ANK2: variants seen among roughly 807,000 people sequenced by gnomAD.
ANK2 encodes the protein ankyrin 2, also known as ankyrin-2.
A neutral mutation model predicts 360.5 loss-of-function variants in ANK2; 83 were observed. The observed-to-expected ratio is 0.23, with a 90% CI of 0.19 to 0.28. The LOEUF is 0.28. Ranked by LOEUF, ANK2 falls within the 10% of genes least tolerant of loss-of-function variation. ANK2 has a pLI of 1.00. For missense variants in ANK2, 4,201 were observed against 4,795.7 expected (o/e 0.88, Z 3.66); for synonymous variants, 1,740 against 1,759.5 (o/e 0.99, Z 0.28).
intron 1 of ANK2, among the ~76,000 whole-genome samples, chr4:113,112,787 C>G (rs2154366639): frequency 6.6e-6 from 1 of 152,304 alleles, no homozygotes; most frequent in South Asian, 2.1e-4. Context: ...CCTTCTCAGC[C>G]TATGAAAACC....
At chr4:113,335,771 C>A in intron 29 of ANK2, 75 bp from the exon 30 acceptor site, 6 of 1,438,300 alleles carry the variant, frequency 4.2e-6, no homozygotes, top group South Asian at 2.3e-5. Flanking sequence ...ATTAACCGAG[C>A]GAATGAGTTG....
In ANK2 at chr4:113,381,654, T is replaced by C; in HGVS notation, c.*183T>C. The C allele has an allele frequency of 6.5e-7, 1 of 1,542,776 alleles. No individual in the cohort carries two copies. The highest frequency in any genetic ancestry group is 8.7e-7 in the Non-Finnish European group (1 of 1,146,508). ...GAGGCCAAGTGAGGGGCTGCCCAGT[T>C]CTCACACCAGAAACCACACATTCAC... On this transcript the variant is annotated 3_prime_UTR_variant, in exon 46 of 46. Coordinates refer to ENST00000357077, the MANE Select transcript of ANK2 (RefSeq NM_001148.6).
chr4:112,743,726 G>C, the ANK2 span, among the ~76,000 whole-genome samples: 1 of 151,110 alleles, frequency 6.6e-6, no homozygotes, highest in Non-Finnish European at 1.5e-5. Flanking sequence ...TGTATTTTTA[G>C]TAGAAACGGG....
At chr4:112,788,771 A>C in the ANK2 span, 1 of 1,478,634 alleles carries the variant, frequency 6.8e-7, no homozygotes, top group Non-Finnish European at 9.3e-7. Flanking sequence ...CAAAATTCTT[A>C]GGCCTTTCCT....
intron 20 of ANK2, among the ~76,000 whole-genome samples, chr4:113,291,912 A>T (rs577692681): frequency 5.3e-5 from 8 of 152,348 alleles, no homozygotes; most frequent in African/African-American, 1.4e-4. Context: ...ACTTTCAATG[A>T]TTTAGAATCC....
chr4:112,986,465 GTTTTTTGTTTT>G lies in ANK2; in HGVS notation c.21+81952_21+81962del. ...AGGGTTTTTGTTTGTTTGTTTGTTT[GTTTTTTGTTTT>G]AACATTACTCCAGTTAGGGAACTGT... On this transcript the variant is annotated intron_variant, in intron 2 of 30. Transcript: ENST00000503271. 1.3e-5 allele frequency among the ~76,000 whole-genome samples: 2 copies of G among 152,174 alleles called. 1 individual carries two copies. The highest frequency in any genetic ancestry group is 6.8e-3 in the Middle Eastern group (2 of 294).
the ANK2 span, chr4:112,788,558 C>T: frequency 6.3e-7 from 1 of 1,589,020 alleles, no homozygotes; most frequent in East Asian, 2.2e-5. Flanking sequence ...TCTTCTCTTG[C>T]TTTGTCTCTG....
the ANK2 span, among the ~76,000 whole-genome samples, chr4:112,707,012 T>A: frequency 6.6e-6 from 1 of 152,242 alleles, no homozygotes; most frequent in Non-Finnish European, 1.5e-5. Context: ...CACCTTAGGT[T>A]ATCACAGTAG....
chr4:113,353,975 A>T lies in ANK2; in HGVS notation c.5357A>T (p.Lys1786Met). ...GAAGATGAACAGAAAGGTCGAAGCA[A>T]GTTGCCCATCAGAGTCAAAGGCAAG... Reference protein sequence around the residue: ...RVEDEQKGRSKLPIRVKGKED... With the variant: ...RVEDEQKGRSMLPIRVKGKED... Residue 1786 changes from lysine to methionine, a missense_variant, in exon 38 of 46, where the codon AAG becomes ATG. Transcript: ENST00000357077. 1 of 1,614,086 alleles carries T rather than the reference A, an allele frequency of 6.2e-7. No homozygotes were observed. The highest frequency in any genetic ancestry group is 8.5e-7 in the Non-Finnish European group (1 of 1,179,968).
chr4:112,958,628 G>A (rs999941690), intron 2 of ANK2, among the ~76,000 whole-genome samples: 1 of 148,484 alleles, frequency 6.7e-6, no homozygotes, highest in African/African-American at 2.5e-5. Context: ...AGAGGGGGGA[G>A]AGGGAGAGGG....
intron 1 of ANK2, among the ~76,000 whole-genome samples, chr4:113,135,446 G>T (rs542324290): frequency 1.3e-5 from 2 of 151,832 alleles, no homozygotes; most frequent in African/African-American, 4.8e-5. Flanking sequence ...GGAAAGAGTG[G>T]AATGAAAGGA....
the ANK2 span, among the ~76,000 whole-genome samples, chr4:112,736,187 G>A: frequency 6.6e-6 from 1 of 152,106 alleles, no homozygotes. Flanking sequence ...CCAGGGCTGG[G>A]CGCGGTGGCT....
intron 36 of ANK2, among the ~76,000 whole-genome samples, chr4:113,349,198 A>G (rs1046546064): frequency 6.6e-6 from 1 of 152,136 alleles, no homozygotes; most frequent in Admixed American, 6.6e-5. Context: ...CTGCTTCAAT[A>G]TTTAAAGCAA....
chr4:113,207,357 A>C (rs1176749456), intron 4 of ANK2, among the ~76,000 whole-genome samples: 1 of 152,200 alleles, frequency 6.6e-6, no homozygotes, highest in Non-Finnish European at 1.5e-5. Flanking sequence ...TTATCACTAC[A>C]CAGGCCTATC....
chr4:113,206,543 G>C (rs1452107912), intron 4 of ANK2, among the ~76,000 whole-genome samples: 1 of 152,010 alleles, frequency 6.6e-6, no homozygotes, highest in East Asian at 1.9e-4. Context: ...AATGAAGGCA[G>C]GTACTTGCAT....
intron 1 of ANK2, among the ~76,000 whole-genome samples, chr4:113,083,657 G>C (rs1358966569): frequency 6.6e-6 from 1 of 152,132 alleles, no homozygotes; most frequent in Non-Finnish European, 1.5e-5. Flanking sequence ...AAAATCATGT[G>C]GGCATTGAAG....
chr4:113,260,845 G>C (rs2052440665), intron 13 of ANK2, among the ~76,000 whole-genome samples: 1 of 152,168 alleles, frequency 6.6e-6, no homozygotes, highest in Non-Finnish European at 1.5e-5. Context: ...AGTTGATGAA[G>C]AAACCGTGTG....
At chr4:113,134,512 T>C (rs1049920918) in intron 1 of ANK2, among the ~76,000 whole-genome samples, 2 of 151,998 alleles carry the variant, frequency 1.3e-5, no homozygotes, top group African/African-American at 4.8e-5. Context: ...CTTATCTTAG[T>C]ATGGAATAAT....
chr4:112,715,381 T>C, the ANK2 span, among the ~76,000 whole-genome samples: 1 of 152,124 alleles, frequency 6.6e-6, no homozygotes, highest in Non-Finnish European at 1.5e-5. Flanking sequence ...ATGGGAGGGA[T>C]GGATATTAAC....
Sources: allele counts gnomAD v4.1 joint callset (sites outside exome capture counted in the v4.1 genomes callset), GRCh38; gene constraint gnomAD v4.1.1; transcripts MANE v1.5; gene names NCBI Gene and HGNC (gene_info 2026-07-23, HGNC 2026-07-21).